The following SRGAP3 variants were observed in gnomAD, a reference collection of about 807,000 sequenced individuals.
SRGAP3 encodes the protein SLIT-ROBO Rho GTPase activating protein 3.
A neutral mutation model predicts 121.1 loss-of-function variants in SRGAP3; 39 were observed. The ratio of observed to expected loss-of-function variants is 0.32; its 90% CI spans 0.25 to 0.42. The LOEUF is 0.42. SRGAP3 is among the 10% of genes least tolerant of loss of function. SRGAP3 has a pLI of 1.00. For missense variants in SRGAP3, 1,213 were observed against 1,470.6 expected, an observed-to-expected ratio of 0.82 and a Z score of 2.86; for synonymous variants, 601 against 570.0, an observed-to-expected ratio of 1.05 and a Z score of -0.77.
chr3:9,099,540 T>C (rs1948125909), intron 3 of SRGAP3, among the ~76,000 whole-genome samples: 1 of 152,102 alleles, frequency 6.6e-6, no homozygotes, highest in Non-Finnish European at 1.5e-5. Context: ...GCACATGGGA[T>C]AGTGGCTTTA....
At position 8,981,601 on chromosome 3, in the gene SRGAP3, T is replaced by C. The variant is rs923720723; in HGVS notation, c.*3918A>G. On this transcript the variant is annotated 3_prime_UTR_variant, in exon 22 of 22. Coordinates refer to ENST00000383836, the MANE Select transcript of SRGAP3 (RefSeq NM_014850.4). ...GTGCCTCCTGAATGACAGAGAAATA[T>C]ACCCAACAAGGCACTCCAAGGGACT... 4.3e-5 allele frequency: 10 copies of C among 232,716 alleles called. No homozygotes were observed. Among genetic ancestry groups the C allele is most frequent in the African/African-American group, 2.0e-4 (9 of 45,286 alleles). The allele number at this position is 232,716 out of a possible 1,614,324, so 14.4% of individuals were successfully genotyped here. A position where few individuals can be genotyped will look rare whatever the true frequency, so the allele number is the denominator to read the frequency against.
Position 9,230,458 on chromosome 3 carries a change from AC to A in SRGAP3, c.67+18426del, listed in dbSNP as rs1953161895. ...CTTTTGGCATGCCACTGGAGACTTC[AC>A]CTAGGATGACAATCGTACCCCCATG... On this transcript the variant is annotated intron_variant, in intron 1 of 21. Transcript: ENST00000383836. Among the ~76,000 whole-genome samples the A allele has an allele frequency of 4.6e-5, 7 of 152,150 alleles. No homozygotes were observed. The South Asian group carries it at 1.2e-3, about 27-fold the overall frequency.
chr3:9,250,472 G>A (rs1953982682), upstream of SRGAP3, among the ~76,000 whole-genome samples: 1 of 152,174 alleles, frequency 6.6e-6, no homozygotes. Context: ...GGCCCTGGGA[G>A]AGGAAGACCA....
intron 3 of SRGAP3, among the ~76,000 whole-genome samples, chr3:9,271,634 C>A (rs1357227042): frequency 6.6e-6 from 1 of 152,210 alleles, no homozygotes; most frequent in African/African-American, 2.4e-5. Context: ...GTGCACAGAT[C>A]TCCACTTTGG....
At chr3:9,316,915 C>T (rs1955356553) in intron 3 of SRGAP3, among the ~76,000 whole-genome samples, 2 of 152,028 alleles carry the variant, frequency 1.3e-5, no homozygotes, top group South Asian at 4.2e-4. Flanking sequence ...GAAACTGGGA[C>T]TTCCCTGCAT....
chr3:9,165,410 C>T (rs1287051262), intron 1 of SRGAP3, among the ~76,000 whole-genome samples: 4 of 152,210 alleles, frequency 2.6e-5, no homozygotes. Flanking sequence ...CCTCCTTCAT[C>T]ATCCCTGTGA....
At chr3:9,177,435 G>A (rs576411806) in intron 1 of SRGAP3, among the ~76,000 whole-genome samples, 10 of 152,318 alleles carry the variant, frequency 6.6e-5, no homozygotes, top group East Asian at 3.9e-4. Flanking sequence ...CGAGGAGGCC[G>A]GTGGAACTGG....
At chr3:9,322,882 G>C (rs925505912) in intron 3 of SRGAP3, among the ~76,000 whole-genome samples, 3 of 151,814 alleles carry the variant, frequency 2.0e-5, no homozygotes, top group African/African-American at 7.2e-5. Context: ...ACACCTGTAC[G>C]TGAATGTTTC....
intron 18 of SRGAP3, among the ~76,000 whole-genome samples, chr3:8,999,714 C>A (rs1348630640): frequency 4.6e-5 from 7 of 152,158 alleles, no homozygotes; most frequent in Admixed American, 1.3e-4. Context: ...CAGGGTCCCT[C>A]TTTTCTCCCC....
chr3:9,114,120 G>A (rs1948723716), intron 2 of SRGAP3, among the ~76,000 whole-genome samples: 1 of 152,134 alleles, frequency 6.6e-6, no homozygotes, highest in Non-Finnish European at 1.5e-5. Flanking sequence ...GTGCTATTGA[G>A]TCAAGAGGCT....
intron 10 of SRGAP3, among the ~76,000 whole-genome samples, chr3:9,039,209 A>C (rs639057): frequency 0.71 from 108,118 of 152,022 alleles, 39,157 homozygotes; most frequent in African/African-American, 0.84. Flanking sequence ...AAAGCTCTCT[A>C]CTCTTCACTT....
chr3:9,275,846 C>G (rs1385012722), intron 3 of SRGAP3, among the ~76,000 whole-genome samples: 2 of 152,122 alleles, frequency 1.3e-5, no homozygotes, highest in Non-Finnish European at 1.5e-5. Context: ...CAACCCACCT[C>G]CACAGGTCTC....
intron 3 of SRGAP3, among the ~76,000 whole-genome samples, chr3:9,299,501 A>AC (rs1955012462): frequency 6.6e-6 from 1 of 152,226 alleles, no homozygotes; most frequent in Non-Finnish European, 1.5e-5. Flanking sequence ...AGCCCCAGCC[A>AC]ACCCACAGAA....
chr3:9,015,843 G>T (rs1376373899), intron 14 of SRGAP3, 112 bp from the exon 15 acceptor site: 1 of 1,354,210 alleles, frequency 7.4e-7, no homozygotes, highest in East Asian at 2.3e-5. Context: ...AAGGCAGATG[G>T]GAAAAGTCTC....
chr3:9,288,404 T>G (rs914572377), intron 3 of SRGAP3, among the ~76,000 whole-genome samples: 1 of 152,076 alleles, frequency 6.6e-6, no homozygotes, highest in African/African-American at 2.4e-5. Context: ...CCCAAAGTGC[T>G]GGGATTGCAG....
At chr3:9,202,526 C>A (rs1952102520) in intron 1 of SRGAP3, among the ~76,000 whole-genome samples, 1 of 152,248 alleles carries the variant, frequency 6.6e-6, no homozygotes, top group Non-Finnish European at 1.5e-5. Context: ...CCAGCAAAGA[C>A]CTGCACTCTA....
At chr3:9,167,993 T>C (rs1368942471) in intron 1 of SRGAP3, among the ~76,000 whole-genome samples, 1 of 152,194 alleles carries the variant, frequency 6.6e-6, no homozygotes, top group African/African-American at 2.4e-5. Context: ...CACAAAGTGC[T>C]TTTTTCACAG....
At chr3:9,313,415 A>G (rs1344213147) in intron 3 of SRGAP3, among the ~76,000 whole-genome samples, 2 of 152,104 alleles carry the variant, frequency 1.3e-5, no homozygotes, top group Non-Finnish European at 2.9e-5. Context: ...TTGGCCAGGC[A>G]TGGTGGCCCA....
At chr3:9,258,022 G>C (rs866220116) in intron 3 of SRGAP3, among the ~76,000 whole-genome samples, 2 of 152,094 alleles carry the variant, frequency 1.3e-5, no homozygotes, top group African/African-American at 4.8e-5. Context: ...TATATCTTAA[G>C]CACTCGATAT....
Sources: gnomAD v4.1 joint callset for allele counts (sites outside exome capture counted in the v4.1 genomes callset) on GRCh38, gnomAD v4.1.1 for gene constraint, MANE v1.5 for transcripts, NCBI Gene and HGNC (gene_info 2026-07-23, HGNC 2026-07-21) for gene names.